Variants in FBXO11 observed in about 807,000 individuals in gnomAD.
FBXO11 encodes F-box protein 11, also known as F-box only protein 11.
FBXO11 carries 13 observed loss-of-function variants against 117.0 expected under a neutral mutation model. The ratio of observed to expected loss-of-function variants is 0.11; its 90% CI spans 0.07 to 0.18. The LOEUF is 0.18. Ranked by LOEUF, FBXO11 falls within the 10% of genes least tolerant of loss-of-function variation. The pLI is 1.00. For synonymous variants in FBXO11, 490 were observed against 380.5 expected, an observed-to-expected ratio of 1.29 and a Z score of -3.35; for missense variants, 767 against 1,164.4, an observed-to-expected ratio of 0.66 and a Z score of 4.97.
Position 47,807,081 on chromosome 2 carries a change from C to CTGT in FBXO11, c.*1034_*1036dup. 3 of 537,958 alleles carry CTGT rather than the reference C, an allele frequency of 5.6e-6. No individual in the cohort carries two copies. The highest frequency in any genetic ancestry group is 9.8e-6 in the Non-Finnish European group (3 of 304,860). The allele number at this position is 537,958 out of a possible 1,614,324, so 33.3% of individuals were successfully genotyped here. ...TATGGTACATGCATACACTTTCAGG[C>CTGT]TGTTTTATACCCACTGTCACCAATA... On this transcript the variant is annotated 3_prime_UTR_variant, in exon 23 of 23. Transcript: ENST00000403359.
At chr2:47,897,900 A>T (rs1677797063) in intron 1 of FBXO11, among the ~76,000 whole-genome samples, 1 of 152,180 alleles carries the variant, frequency 6.6e-6, no homozygotes, top group Admixed American at 6.5e-5. Flanking sequence ...ATCTCTAAGT[A>T]TGAGAAAATA....
At chr2:47,894,297 A>G (rs187173324) in intron 1 of FBXO11, among the ~76,000 whole-genome samples, 1 of 152,240 alleles carries the variant, frequency 6.6e-6, no homozygotes. Context: ...AAAGTTTCAC[A>G]ATTTTAAAAT....
chr2:47,817,364 A>G (rs1671076547), intron 16 of FBXO11, among the ~76,000 whole-genome samples: 1 of 152,242 alleles, frequency 6.6e-6, no homozygotes, highest in African/African-American at 2.4e-5. Context: ...AACATTCTCC[A>G]TATTAGCATA....
At chr2:47,816,918 T>A (rs1671043793) in intron 16 of FBXO11, among the ~76,000 whole-genome samples, 1 of 152,194 alleles carries the variant, frequency 6.6e-6, no homozygotes, top group Admixed American at 6.5e-5. Flanking sequence ...GTTTTCATAA[T>A]GGTAAATGAG....
intron 7 of FBXO11, among the ~76,000 whole-genome samples, 157 bp from the exon 8 acceptor site, chr2:47,833,227 C>A (rs1043924967): frequency 1.3e-5 from 2 of 152,208 alleles, no homozygotes; most frequent in Admixed American, 6.5e-5. Flanking sequence ...TTGCTATATT[C>A]AAATCCATGC....
chr2:47,890,996 A>AAAT (rs563213311), intron 1 of FBXO11, among the ~76,000 whole-genome samples: 1 of 148,962 alleles, frequency 6.7e-6, no homozygotes, highest in Non-Finnish European at 1.5e-5. Flanking sequence ...TTTTTTTTTA[A>AAAT]TTTTTTTTGT....
intron 3 of FBXO11, 108 bp from the exon 4 acceptor site, chr2:47,839,111 T>C (rs1167148198): frequency 6.9e-6 from 8 of 1,159,050 alleles, no homozygotes; most frequent in East Asian, 2.4e-5. Context: ...TTTTGGATAA[T>C]GGTCATTTTA....
At chr2:47,893,730 G>C (rs1677442027) in intron 1 of FBXO11, among the ~76,000 whole-genome samples, 1 of 152,138 alleles carries the variant, frequency 6.6e-6, no homozygotes, top group African/African-American at 2.4e-5. Context: ...CATCTCAGAA[G>C]TCATCTTATT....
At chr2:47,843,150 T>C (rs1183240965) in intron 1 of FBXO11, among the ~76,000 whole-genome samples, 2 of 152,198 alleles carry the variant, frequency 1.3e-5, no homozygotes, top group African/African-American at 4.8e-5. Flanking sequence ...CGCCTAGGCA[T>C]TTGTGGAACT....
At chr2:47,833,123 G>C in intron 7 of FBXO11, 53 bp from the exon 8 acceptor site, 1 of 1,232,854 alleles carries the variant, frequency 8.1e-7, no homozygotes, top group Non-Finnish European at 1.2e-6. Flanking sequence ...TCAACAGATG[G>C]GTATCTTTAT....
chr2:47,897,894 CTAAG>C (rs1677796414), intron 1 of FBXO11, among the ~76,000 whole-genome samples: 1 of 152,052 alleles, frequency 6.6e-6, no homozygotes. Context: ...CAAATAATCT[CTAAG>C]TATGAGAAAA....
intron 1 of FBXO11, among the ~76,000 whole-genome samples, chr2:47,857,303 C>T (rs897677233): frequency 1.3e-5 from 2 of 151,752 alleles, no homozygotes; most frequent in African/African-American, 4.8e-5. Flanking sequence ...TTTAAATCAG[C>T]AGAGACAGGG....
intron 1 of FBXO11, among the ~76,000 whole-genome samples, chr2:47,901,181 G>A (rs1021956355): frequency 3.2e-5 from 4 of 126,958 alleles, no homozygotes; most frequent in Non-Finnish European, 3.5e-5. Flanking sequence ...GTATATATAT[G>A]TGGGTACATA....
At chr2:47,820,909 C>T (rs111828031) in intron 13 of FBXO11, among the ~76,000 whole-genome samples, 40 of 152,290 alleles carry the variant, frequency 2.6e-4, no homozygotes, top group African/African-American at 9.1e-4. Context: ...TTACCAGAAG[C>T]GAAAGCCCAG....
At chr2:47,813,031 C>T (rs944665952) in intron 18 of FBXO11, 2 of 585,388 alleles carry the variant, frequency 3.4e-6, no homozygotes, top group Non-Finnish European at 6.1e-6. Flanking sequence ...ACTGCAGACT[C>T]AAAGTGGCTA....
At chr2:47,853,949 G>A (rs1256361222) in intron 1 of FBXO11, among the ~76,000 whole-genome samples, 1 of 152,194 alleles carries the variant, frequency 6.6e-6, no homozygotes, top group Non-Finnish European at 1.5e-5. Flanking sequence ...GGTTCTAGAA[G>A]CTTAGAAGAT....
At chr2:47,848,295 C>T (rs982239331) in intron 1 of FBXO11, among the ~76,000 whole-genome samples, 3 of 152,308 alleles carry the variant, frequency 2.0e-5, no homozygotes, top group South Asian at 2.1e-4. Context: ...GCCTGAGCTC[C>T]GCCTCCTGTC....
chr2:47,845,733 G>C (rs1351270320), intron 1 of FBXO11, among the ~76,000 whole-genome samples: 4 of 151,962 alleles, frequency 2.6e-5, no homozygotes, highest in Admixed American at 6.6e-5. Flanking sequence ...GGTAACAAGG[G>C]TGCCCTCTTT....
intron 1 of FBXO11, among the ~76,000 whole-genome samples, chr2:47,856,079 C>T (rs1397502678): frequency 6.6e-6 from 1 of 152,080 alleles, no homozygotes; most frequent in Non-Finnish European, 1.5e-5. Context: ...TTATGCACTC[C>T]AAGCCTAGGC....
Sources: gnomAD v4.1 joint callset for allele counts (sites outside exome capture counted in the v4.1 genomes callset) on GRCh38, gnomAD v4.1.1 for gene constraint, MANE v1.5 for transcripts, NCBI Gene and HGNC (gene_info 2026-07-23, HGNC 2026-07-21) for gene names.